The following TNS3 variants were observed in gnomAD, a reference collection of about 807,000 sequenced individuals.
TNS3 encodes the protein tensin 3, also known as tensin-3.
A neutral mutation model predicts 140.9 loss-of-function variants in TNS3; 45 were observed. The observed-to-expected ratio is 0.32, with a 90% CI of 0.25 to 0.41. The LOEUF (loss-of-function observed/expected upper bound fraction) is 0.41, where lower values mean the gene tolerates loss of function less well. Ranked by LOEUF, TNS3 falls within the 10% of genes least tolerant of loss-of-function variation. The probability of loss-of-function intolerance (pLI) is 1.00; values close to 1 mark genes in which losing one functional copy is unlikely to be tolerated. For missense variants in TNS3, 1,716 were observed against 1,906.7 expected, an observed-to-expected ratio of 0.90 and a Z score of 1.86; for synonymous variants, 815 against 788.4, an observed-to-expected ratio of 1.03 and a Z score of -0.56.
At chr7:47,302,882 G>T in intron 22 of TNS3, 68 bp downstream of exon 22, 1 of 1,532,498 alleles carries the variant, frequency 6.5e-7, no homozygotes, top group South Asian at 1.3e-5. Context: ...TCAGCTGCAG[G>T]TCTGAACCCT....
chr7:47,406,618 C>A (rs834602), intron 13 of TNS3, among the ~76,000 whole-genome samples: 50,095 of 152,094 alleles, frequency 0.33, 8,570 homozygotes, highest in Non-Finnish European at 0.36. Flanking sequence ...TTCAAAAGTA[C>A]ACAGACAGCC....
intron 1 of TNS3, among the ~76,000 whole-genome samples, chr7:47,564,708 T>TAC (rs1186292364): frequency 1.4e-5 from 2 of 141,366 alleles, no homozygotes; most frequent in East Asian, 4.5e-4. Context: ...TTCATATATA[T>TAC]ATATGCGTAT....
chr7:47,479,111 G>A (rs573164789), intron 4 of TNS3, among the ~76,000 whole-genome samples: 1 of 152,298 alleles, frequency 6.6e-6, no homozygotes, highest in Non-Finnish European at 1.5e-5. Flanking sequence ...CTGGGACCCT[G>A]GGCTCCAGAG....
At chr7:47,378,924 T>G (rs923349460) in intron 16 of TNS3, among the ~76,000 whole-genome samples, 2 of 152,140 alleles carry the variant, frequency 1.3e-5, no homozygotes, top group Admixed American at 6.5e-5. Context: ...GACCATTCAG[T>G]TGATGGGTCT....
intron 12 of TNS3, among the ~76,000 whole-genome samples, chr7:47,412,689 G>C (rs1322391126): frequency 6.6e-6 from 1 of 152,240 alleles, no homozygotes. Context: ...ACTCTCTCCA[G>C]TAGGCTCACA....
chr7:47,284,664 C>T (rs1785320506), intron 27 of TNS3, among the ~76,000 whole-genome samples: 1 of 152,248 alleles, frequency 6.6e-6, no homozygotes, highest in Admixed American at 6.5e-5. Flanking sequence ...TGCCCAAAGG[C>T]TGAGTAGGCT....
chr7:47,560,772 G>T (rs1800304988), intron 1 of TNS3, among the ~76,000 whole-genome samples: 1 of 152,172 alleles, frequency 6.6e-6, no homozygotes, highest in South Asian at 2.1e-4. Flanking sequence ...CTGGCTGGGG[G>T]ACTTGGGAAT....
At chr7:47,313,265 G>A (rs1475063171) in intron 20 of TNS3, among the ~76,000 whole-genome samples, 3 of 152,178 alleles carry the variant, frequency 2.0e-5, no homozygotes, top group African/African-American at 7.2e-5. Context: ...ATTCACTGCT[G>A]TGTCCCCAGC....
chr7:47,492,422 T>G (rs2960234), intron 3 of TNS3, among the ~76,000 whole-genome samples: 129,768 of 152,242 alleles, frequency 0.85, 56,138 homozygotes, highest in Non-Finnish European at 0.93. Context: ...CTTATCCTCT[T>G]TCCTCACCTG....
At chr7:47,446,688 CTT>C (rs144042398) in intron 4 of TNS3, among the ~76,000 whole-genome samples, 17 of 96,718 alleles carry the variant, frequency 1.8e-4, no homozygotes, top group African/African-American at 5.9e-4. Flanking sequence ...TCCAGGCTGC[CTT>C]TTTTTTTTTT....
At chr7:47,280,225 TTTTAAAC>T (rs771414270) in intron 29 of TNS3, 35 bp from the exon 30 acceptor site, 4 of 1,614,010 alleles carry the variant, frequency 2.5e-6, no homozygotes, top group Non-Finnish European at 3.4e-6. Context: ...AGGTTAATTT[TTTTAAAC>T]TAAAGGATAG....
At chr7:47,582,436 C>T (rs1407031327), upstream of TNS3, 1 of 456,602 alleles carries the variant, frequency 2.2e-6, no homozygotes, top group Admixed American at 2.3e-5. Flanking sequence ...CCTGGGGAGG[C>T]GGGTTCGGAT....
At chr7:47,375,713 C>T (rs1402600071) in intron 16 of TNS3, among the ~76,000 whole-genome samples, 5 of 152,198 alleles carry the variant, frequency 3.3e-5, no homozygotes, top group Non-Finnish European at 7.3e-5. Context: ...TTAGGCAATG[C>T]CCAACTGTGC....
chr7:47,537,768 T>G (rs577946462), intron 1 of TNS3, among the ~76,000 whole-genome samples: 2 of 152,086 alleles, frequency 1.3e-5, no homozygotes, highest in Non-Finnish European at 2.9e-5. Flanking sequence ...GGAAAGCAGG[T>G]AAACACCGAG....
In TNS3 at chr7:47,568,759, G is replaced by T. The variant is rs117982757; in HGVS notation, c.-265+13292C>A. Among the ~76,000 whole-genome samples the T allele has an allele frequency of 3.5e-3, 535 of 152,366 alleles. 4 individuals are homozygous for T. The highest frequency in any genetic ancestry group is 4.8e-3 in the Non-Finnish European group (329 of 68,040). On this transcript the variant is annotated intron_variant, in intron 1 of 30. Coordinates refer to ENST00000311160, the MANE Select transcript of TNS3 (RefSeq NM_022748.12). Reference sequence around the variant, plus strand: ...TATGGAAACCCCGGCAGATGTGGGGGAGTCGTGAGTGGCACCCACGTGATA... The same window carrying T: ...TATGGAAACCCCGGCAGATGTGGGGTAGTCGTGAGTGGCACCCACGTGATA...
chr7:47,286,735 T>C (rs1323328203), intron 27 of TNS3, among the ~76,000 whole-genome samples: 2 of 152,122 alleles, frequency 1.3e-5, no homozygotes, highest in African/African-American at 4.8e-5. Context: ...GCATTGTCTG[T>C]GGTATTAAAA....
chr7:47,539,244 T>A (rs919162495), intron 1 of TNS3: 2 of 411,664 alleles, frequency 4.9e-6, no homozygotes, highest in Non-Finnish European at 9.9e-6. Context: ...CAAGCCAGAG[T>A]GGAAGGCAAA....
At chr7:47,400,276 C>T in intron 15 of TNS3, 117 bp downstream of exon 15, 3 of 856,112 alleles carry the variant, frequency 3.5e-6, no homozygotes, top group Non-Finnish European at 5.6e-6. Context: ...AAATTAATCA[C>T]AGAAATCTCC....
intron 4 of TNS3, among the ~76,000 whole-genome samples, chr7:47,468,257 A>G (rs566584608): frequency 1.3e-5 from 2 of 152,274 alleles, no homozygotes; most frequent in African/African-American, 4.8e-5. Context: ...CCTGGCCAAC[A>G]TGATGAAACC....
Sources: gnomAD v4.1 joint callset for allele counts (sites outside exome capture counted in the v4.1 genomes callset) on GRCh38, gnomAD v4.1.1 for gene constraint, MANE v1.5 for transcripts, NCBI Gene and HGNC (gene_info 2026-07-23, HGNC 2026-07-21) for gene names.